The following TTC28 variants were observed in gnomAD, a reference collection of about 807,000 sequenced individuals.
TTC28 encodes tetratricopeptide repeat domain 28.
TTC28 carries 61 observed loss-of-function variants against 198.0 expected under a neutral mutation model. That is an observed-to-expected ratio of 0.31 (90% CI 0.25 to 0.38). TTC28 has a LOEUF of 0.38. Ranked by LOEUF, TTC28 falls within the 10% of genes least tolerant of loss-of-function variation. The pLI is 1.00. For synonymous variants in TTC28, 1,171 were observed against 1,297.8 expected (o/e 0.90, Z 2.10); for missense variants, 2,678 against 3,164.0 (o/e 0.85, Z 3.69).
intron 15 of TTC28, 76 bp from the exon 16 acceptor site, chr22:27,999,336 C>T: frequency 2.7e-6 from 4 of 1,470,178 alleles, no homozygotes; most frequent in Non-Finnish European, 3.6e-6. Flanking sequence ...CGGCCGAGCA[C>T]AGGGACGGCC....
At chr22:27,991,350 C>T (rs1242040386) in intron 19 of TTC28, among the ~76,000 whole-genome samples, 1 of 152,206 alleles carries the variant, frequency 6.6e-6, no homozygotes, top group Non-Finnish European at 1.5e-5. Flanking sequence ...TCTAGACCGC[C>T]TGGGTTCAGG....
intron 2 of TTC28, among the ~76,000 whole-genome samples, chr22:28,308,049 A>G (rs1246081498): frequency 6.6e-6 from 1 of 152,214 alleles, no homozygotes; most frequent in Non-Finnish European, 1.5e-5. Context: ...TTAAAAAACA[A>G]TCCATAAACA....
At chr22:28,671,678 TTTTCA>T (rs1353167876) in intron 1 of TTC28, among the ~76,000 whole-genome samples, 34 of 144,602 alleles carry the variant, frequency 2.4e-4, no homozygotes, top group Admixed American at 2.3e-3. Context: ...GTGGATTTTG[TTTTCA>T]TTTTTTTTTT....
chr22:28,642,377 A>G (rs1233468585), intron 1 of TTC28, among the ~76,000 whole-genome samples: 1 of 151,882 alleles, frequency 6.6e-6, no homozygotes, highest in Non-Finnish European at 1.5e-5. Context: ...GTACTCTCCT[A>G]GACACTAGAG....
intron 2 of TTC28, among the ~76,000 whole-genome samples, chr22:28,600,675 C>T (rs901467659): frequency 2.6e-5 from 4 of 152,196 alleles, no homozygotes; most frequent in African/African-American, 7.2e-5. Flanking sequence ...ACCCATCAAC[C>T]TACACAAGAC....
At chr22:28,506,026 G>C (rs2048608146) in intron 2 of TTC28, among the ~76,000 whole-genome samples, 1 of 147,306 alleles carries the variant, frequency 6.8e-6, no homozygotes, top group African/African-American at 2.5e-5. Context: ...TGCCTTGCCA[G>C]ATCGTGGCCA....
At chr22:28,521,431 G>A (rs1189324030) in intron 2 of TTC28, among the ~76,000 whole-genome samples, 5 of 152,050 alleles carry the variant, frequency 3.3e-5, no homozygotes, top group African/African-American at 4.8e-5. Flanking sequence ...AAGCCTATCT[G>A]TGTAAAGGTG....
At position 28,005,547 on chromosome 22, in the gene TTC28, G is replaced by A. The variant is rs1356548079; in HGVS notation, c.4219-3994C>T. Reference sequence around the variant, plus strand: ...GCTGTGTCAGTGGAGTGCACTAAGGGGCACTGAGGAGGCAGGAGCCCTCCT... The same window carrying A: ...GCTGTGTCAGTGGAGTGCACTAAGGAGCACTGAGGAGGCAGGAGCCCTCCT... On this transcript the variant is annotated intron_variant, in intron 14 of 22. Coordinates refer to ENST00000397906, the MANE Select transcript of TTC28 (RefSeq NM_001145418.2). This position sits in a 1 kb window ranked among gnomAD's most constrained non-coding sequence, Gnocchi z 4.9. 6.6e-6 allele frequency among the ~76,000 whole-genome samples: 1 copy of A among 152,190 alleles called. No homozygotes were observed. The highest frequency in any genetic ancestry group is 1.5e-5 in the Non-Finnish European group (1 of 68,026).
intron 6 of TTC28, among the ~76,000 whole-genome samples, chr22:28,129,162 A>C (rs1396730129): frequency 6.6e-6 from 1 of 152,186 alleles, no homozygotes; most frequent in Non-Finnish European, 1.5e-5. Flanking sequence ...GTTTACCCAT[A>C]TAATAAGTGA....
At chr22:28,628,069 C>A (rs1157577743) in intron 2 of TTC28, among the ~76,000 whole-genome samples, 1 of 151,964 alleles carries the variant, frequency 6.6e-6, no homozygotes, top group Non-Finnish European at 1.5e-5. Flanking sequence ...CCATACCTGG[C>A]TAATTTTTGT....
At chr22:27,988,470 T>G (rs1458832397) in intron 21 of TTC28, among the ~76,000 whole-genome samples, 1 of 151,980 alleles carries the variant, frequency 6.6e-6, no homozygotes, top group African/African-American at 2.4e-5. Context: ...GTATTTTTAG[T>G]AGAGACGGGG....
chr22:28,137,194 G>T (rs1188646342), intron 6 of TTC28, among the ~76,000 whole-genome samples: 1 of 152,102 alleles, frequency 6.6e-6, no homozygotes, highest in African/African-American at 2.4e-5. Flanking sequence ...TCCCTGATGT[G>T]AGAACTCTCA....
At chr22:28,328,591 T>G (rs2045567472) in intron 2 of TTC28, among the ~76,000 whole-genome samples, 1 of 151,046 alleles carries the variant, frequency 6.6e-6, no homozygotes, top group Admixed American at 6.6e-5. Context: ...ACGTCTCTAC[T>G]AAAAATACAA....
At chr22:28,660,402 T>G (rs988302643) in intron 1 of TTC28, among the ~76,000 whole-genome samples, 1 of 152,174 alleles carries the variant, frequency 6.6e-6, no homozygotes, top group Non-Finnish European at 1.5e-5. Context: ...CTCAGCTCAC[T>G]GCAACCTCTG....
intron 2 of TTC28, among the ~76,000 whole-genome samples, chr22:28,456,809 C>A (rs1278354452): frequency 6.6e-6 from 1 of 152,138 alleles, no homozygotes; most frequent in Non-Finnish European, 1.5e-5. Flanking sequence ...CTCTTGACCT[C>A]GTGATCCGCC....
At chr22:28,142,781 A>G (rs181804871) in intron 6 of TTC28, among the ~76,000 whole-genome samples, 1 of 152,236 alleles carries the variant, frequency 6.6e-6, no homozygotes, top group East Asian at 1.9e-4. Flanking sequence ...ATAATGTAAC[A>G]ATCGGAAAAC....
intron 6 of TTC28, among the ~76,000 whole-genome samples, chr22:28,137,691 T>C (rs1163656795): frequency 6.6e-6 from 1 of 152,058 alleles, no homozygotes; most frequent in Non-Finnish European, 1.5e-5. Flanking sequence ...TCATATAATA[T>C]GACTTCTGCC....
intron 12 of TTC28, among the ~76,000 whole-genome samples, chr22:28,062,729 TA>T (rs1940601228): frequency 6.6e-6 from 1 of 152,206 alleles, no homozygotes; most frequent in South Asian, 2.1e-4. Context: ...TAATTTTAGA[TA>T]TTGTAATTTT....
intron 2 of TTC28, among the ~76,000 whole-genome samples, chr22:28,392,788 G>T (rs1293117819): frequency 6.6e-6 from 1 of 150,392 alleles, no homozygotes; most frequent in Non-Finnish European, 1.5e-5. Flanking sequence ...TGGAAATGCA[G>T]AAATCACCCG....
Sources: allele counts gnomAD v4.1 joint callset (sites outside exome capture counted in the v4.1 genomes callset), GRCh38; gene constraint gnomAD v4.1.1; non-coding constraint Gnocchi (gnomAD v3.1); transcripts MANE v1.5; gene names NCBI Gene and HGNC (gene_info 2026-07-23, HGNC 2026-07-21).